MYOF: variants seen among roughly 807,000 people sequenced by gnomAD.
The protein encoded by MYOF is fer-1-like 3, myoferlin.
Under a neutral mutation model 284.2 loss-of-function variants are expected in MYOF, and 244 were observed. The ratio of observed to expected loss-of-function variants is 0.86; its 90% confidence interval spans 0.77 to 0.95. The LOEUF (loss-of-function observed/expected upper bound fraction) is 0.95. Among genes scored for constraint, MYOF ranks in the 40% least tolerant of loss-of-function variants. The pLI is 0.00. For synonymous variants in MYOF, 904 were observed against 919.7 expected (o/e 0.98, Z 0.31); for missense variants, 2,496 against 2,560.6 (o/e 0.97, Z 0.54).
At chr10:93,480,313 A>G (rs932037267) in intron 1 of MYOF, among the ~76,000 whole-genome samples, 2 of 152,132 alleles carry the variant, frequency 1.3e-5, no homozygotes, top group Non-Finnish European at 2.9e-5. Context: ...CACTTTGGGA[A>G]GCTGAGATGG....
intron 32 of MYOF, 25 bp from the exon 33 acceptor site, chr10:93,351,871 A>T (rs749550220): frequency 6.4e-7 from 1 of 1,562,490 alleles, no homozygotes; most frequent in Non-Finnish European, 8.6e-7. Flanking sequence ...GAGAATAACA[A>T]CGGGGCCACG....
intron 2 of MYOF, among the ~76,000 whole-genome samples, chr10:93,456,624 C>T (rs775868717): frequency 6.6e-6 from 1 of 152,168 alleles, no homozygotes; most frequent in Non-Finnish European, 1.5e-5. Context: ...AAGCTCGTGG[C>T]GGTGCCTGGT....
chr10:93,330,238 C>T (rs1030702426), intron 43 of MYOF, among the ~76,000 whole-genome samples: 6 of 151,666 alleles, frequency 4.0e-5, no homozygotes, highest in Admixed American at 1.3e-4. Flanking sequence ...GTGCATCGCT[C>T]CAATGCCAGT....
intron 3 of MYOF, among the ~76,000 whole-genome samples, chr10:93,436,204 A>G (rs1004187091): frequency 6.6e-6 from 1 of 152,174 alleles, no homozygotes; most frequent in Non-Finnish European, 1.5e-5. Flanking sequence ...CTAAAACACA[A>G]AGCCTTCCTG....
At chr10:93,460,601 C>T (rs1225352616) in intron 1 of MYOF, among the ~76,000 whole-genome samples, 4 of 151,482 alleles carry the variant, frequency 2.6e-5, no homozygotes, top group African/African-American at 7.3e-5. Context: ...CCCGTCTCTA[C>T]TAAAATACAA....
At chr10:93,368,288 T>C (rs1386037846) in intron 25 of MYOF, among the ~76,000 whole-genome samples, 1 of 152,216 alleles carries the variant, frequency 6.6e-6, no homozygotes. Flanking sequence ...CTGCAAGGGC[T>C]TGTATGTTTC....
chr10:93,401,434 A>T lies in MYOF; in HGVS notation c.1101T>A (p.Ala367=). The T allele has an allele frequency of 6.2e-7, 1 of 1,614,194 alleles. No individual in the cohort carries two copies. The highest frequency in any genetic ancestry group is 1.1e-5 in the South Asian group (1 of 91,084). The part of the protein sequence containing the change: ...WVTFLLKIYR[A]EDIPQMDDAF... ...AGTACATACTCTGGGGGATGTCCTCAGCTCGGTAGATTTTCAGCAAGAAGG... is the reference window on the plus strand; with the variant it reads ...AGTACATACTCTGGGGGATGTCCTCTGCTCGGTAGATTTTCAGCAAGAAGG... The change falls in exon 12 of 54, where the codon GCT becomes GCA. Residue 367 remains alanine, a synonymous_variant. Transcript: ENST00000359263.
chr10:93,328,762 C>A lies in MYOF; in HGVS notation c.5131+1G>T. On this transcript the variant is annotated splice_donor_variant, in intron 45 of 53. Transcript: ENST00000359263. LOFTEE classifies it high-confidence loss of function. ...TTTACAATCCACAGCTAGGTGCTCA[C>A]CAAATTCATCCAAGCTGTAGTCTCG... is the stretch of plus-strand genomic sequence containing the variant. 2 of 1,608,672 alleles carry A rather than the reference C, an allele frequency of 1.2e-6. No individual in the cohort carries two copies. Among genetic ancestry groups the A allele is most frequent in the Non-Finnish European group, 1.7e-6 (2 of 1,175,366 alleles).
Position 93,373,008 on chromosome 10 carries a change from T to G in MYOF, c.2379A>C (p.Ala793=). ...CACTGGTGGAGTACAAGACCTGATG[T>G]GCGGGAATTCGTGCATAGGCCAGTC... ...EKRLAYARIP[A]HQVLYSTSGE... The change falls in exon 24 of 54, where the codon GCA becomes GCC. Residue 793 remains alanine (A), a synonymous_variant. Coordinates refer to ENST00000359263, the MANE Select transcript of MYOF (RefSeq NM_013451.4). The G allele has an allele frequency of 6.2e-7, 1 of 1,614,222 alleles. No individual in the cohort carries two copies. Among genetic ancestry groups the G allele is most frequent in the Non-Finnish European group, 8.5e-7 (1 of 1,180,030 alleles).
At chr10:93,361,911 C>A (rs1179007440) in intron 27 of MYOF, among the ~76,000 whole-genome samples, 1 of 152,184 alleles carries the variant, frequency 6.6e-6, no homozygotes, top group Non-Finnish European at 1.5e-5. Context: ...TGGGATAGAA[C>A]CCATCAGAGA....
intron 19 of MYOF, among the ~76,000 whole-genome samples, chr10:93,385,355 A>G (rs1255787135): frequency 6.6e-6 from 1 of 152,192 alleles, no homozygotes; most frequent in Non-Finnish European, 1.5e-5. Flanking sequence ...GACCAGGCCC[A>G]CCGGGAGCAA....
intron 3 of MYOF, among the ~76,000 whole-genome samples, chr10:93,432,917 A>AC (rs1251100360): frequency 6.6e-6 from 1 of 152,258 alleles, no homozygotes; most frequent in Non-Finnish European, 1.5e-5. Flanking sequence ...AATACTCAAA[A>AC]CATTTTTATA....
At chr10:93,476,783 T>C (rs555011493) in intron 1 of MYOF, among the ~76,000 whole-genome samples, 1 of 152,298 alleles carries the variant, frequency 6.6e-6, no homozygotes, top group South Asian at 2.1e-4. Flanking sequence ...AGGGGGGATA[T>C]TCTAGAAATA....
chr10:93,326,845 G>A (rs1048948667), intron 45 of MYOF, among the ~76,000 whole-genome samples: 34 of 152,088 alleles, frequency 2.2e-4, no homozygotes, highest in African/African-American at 6.8e-4. Flanking sequence ...GGCTGGTGTC[G>A]AACTCCTGGG....
At position 93,319,978 on chromosome 10, in the gene MYOF, G is replaced by A; in HGVS notation, c.5492C>T (p.Thr1831Ile). The A allele has an allele frequency of 6.2e-7, 1 of 1,614,138 alleles. No individual in the cohort carries two copies. Among genetic ancestry groups the A allele is most frequent in the Non-Finnish European group, 8.5e-7 (1 of 1,179,992 alleles). The change falls in exon 49 of 54, where the codon ACA becomes ATA. Residue 1831 changes from threonine to isoleucine, a missense_variant. By Grantham distance (89) the Thr-to-Ile change is moderately conservative. Coordinates refer to ENST00000359263, the MANE Select transcript of MYOF (RefSeq NM_013451.4). ...ATCCAAAGATCTGTAATGGACATCT[G>A]TTTTCTGTTTGTTTTCTTCATTGCC... ...IPGNEENKQK[T>I]DVHYRSLDGE...
rs367626173 is a variant in MYOF at position 93,329,827 on chromosome 10, C to T, written c.4819G>A (p.Glu1607Lys). The T allele has an allele frequency of 5.4e-5, 87 of 1,613,832 alleles. No individual in the cohort carries two copies. Among genetic ancestry groups the T allele is most frequent in the Admixed American group, 2.2e-4 (13 of 59,976 alleles). ...TLNPVFGRMY[E>K]LSCYLPQEKD... is the part of the protein sequence containing the mutation. Reference sequence around the variant, plus strand: ...TCTTGAGGTAAGTAGCAGCTCAGTTCGTACATCCTAAATAAACAAATGCAA... The same window carrying T: ...TCTTGAGGTAAGTAGCAGCTCAGTTTGTACATCCTAAATAAACAAATGCAA... Residue 1607 changes from glutamate (E) to lysine (K), a missense_variant, in exon 44 of 54, where the codon GAA (glutamate) becomes AAA (lysine). This residue lies in a region of MYOF where 2,436 missense variants were observed against 2,480.7 expected (regional missense o/e 0.98). Transcript: ENST00000359263.
At chr10:93,399,265 C>G in intron 13 of MYOF, 127 bp downstream of exon 13, 1 of 666,588 alleles carries the variant, frequency 1.5e-6, no homozygotes, top group South Asian at 2.0e-5. Flanking sequence ...AATCTGTGTT[C>G]CCTCAGAGTG....
In MYOF at chr10:93,379,894, A is replaced by G. The variant is rs1564665898; in HGVS notation, c.1970T>C (p.Val657Ala). 2 of 1,614,136 alleles carry G rather than the reference A, an allele frequency of 1.2e-6. No homozygotes were observed. The highest frequency in any genetic ancestry group is 1.7e-6 in the Non-Finnish European group (2 of 1,179,982). The change falls in exon 21 of 54, where the codon GTG becomes GCG. Residue 657 changes from valine to alanine, a missense_variant. Physicochemically the swap from Val to Ala is moderately conservative, Grantham distance 64. Around this residue, in one of 3 missense-constraint regions of MYOF, gnomAD observed 2,436 missense variants for 2,480.7 expected, o/e 0.98. Transcript: ENST00000359263. ...TTCTGCCATAGCTAGGAGAGTGTTC[A>G]CCGCATCCAGGCGATGACTAATATC... ...WEDISHRLDA[V>A]NTLLAMAERL...
chr10:93,363,195 G>A (rs1435605892), intron 27 of MYOF, among the ~76,000 whole-genome samples: 1 of 152,240 alleles, frequency 6.6e-6, no homozygotes, highest in African/African-American at 2.4e-5. Flanking sequence ...AACTGTGTGT[G>A]CAACACAATT....
Sources: gnomAD v4.1 joint callset for allele counts (sites outside exome capture counted in the v4.1 genomes callset) on GRCh38, gnomAD v4.1.1 for gene constraint, gnomAD v4.1.1 regional missense constraint, MANE v1.5 for transcripts, NCBI Gene and HGNC (gene_info 2026-07-23, HGNC 2026-07-21) for gene names.